Variants in KIAA1217 observed in about 807,000 individuals in gnomAD.
KIAA1217 encodes the protein KIAA1217, also known as sickle tail protein homolog.
Under a neutral mutation model 163.9 loss-of-function variants are expected in KIAA1217, and 88 were observed. The ratio of observed to expected loss-of-function variants is 0.54; its 90% CI spans 0.45 to 0.64. The LOEUF (loss-of-function observed/expected upper bound fraction) is 0.64. Among genes scored for constraint, KIAA1217 ranks in the 30% least tolerant of loss-of-function variants. KIAA1217 has a pLI of 0.00. For synonymous variants in KIAA1217, 903 were observed against 923.1 expected (o/e 0.98, Z 0.39); for missense variants, 2,372 against 2,475.0 (o/e 0.96, Z 0.88).
At chr10:24,211,363 T>C (rs10828620) in intron 1 of KIAA1217, among the ~76,000 whole-genome samples, 11,167 of 43,188 alleles carry the variant, frequency 0.26, 1,667 homozygotes, top group African/African-American at 0.47. Context: ...TGGGACTACT[T>C]TTTTTTTTTT....
chr10:24,350,274 A>G (rs1419596975), intron 2 of KIAA1217, among the ~76,000 whole-genome samples: 1 of 152,162 alleles, frequency 6.6e-6, no homozygotes, highest in Non-Finnish European at 1.5e-5. Context: ...CAGCATCAAC[A>G]TTGAGGGAGA....
intron 1 of KIAA1217, among the ~76,000 whole-genome samples, chr10:23,730,676 T>A (rs1195460454): frequency 2.0e-5 from 3 of 152,230 alleles, no homozygotes; most frequent in African/African-American, 7.2e-5. Context: ...CATCATAATT[T>A]TGTAGTTTTT....
At chr10:24,090,712 A>G (rs1370153230) in intron 2 of KIAA1217, among the ~76,000 whole-genome samples, 1 of 151,822 alleles carries the variant, frequency 6.6e-6, no homozygotes. Context: ...GTCAAAATCA[A>G]GCAACAACTT....
At chr10:24,173,046 G>A (rs372081576) in intron 2 of KIAA1217, among the ~76,000 whole-genome samples, 2 of 152,312 alleles carry the variant, frequency 1.3e-5, no homozygotes, top group African/African-American at 4.8e-5. Flanking sequence ...GCACAGCAGG[G>A]GTGAGTGGCA....
chr10:23,768,469 A>C (rs1035728347), intron 1 of KIAA1217, among the ~76,000 whole-genome samples: 1 of 152,258 alleles, frequency 6.6e-6, no homozygotes, highest in Non-Finnish European at 1.5e-5. Flanking sequence ...TGCCAGGTAC[A>C]TATTAAATGC....
chr10:24,524,901 T>C, intron 13 of KIAA1217, 137 bp downstream of exon 13: 1 of 821,684 alleles, frequency 1.2e-6, no homozygotes. Flanking sequence ...GGAAGTGGGA[T>C]TCAGTGGCCA....
At chr10:24,490,576 C>G (rs900929864) in intron 6 of KIAA1217, among the ~76,000 whole-genome samples, 19 of 152,080 alleles carry the variant, frequency 1.2e-4, no homozygotes, top group African/African-American at 4.3e-4. Context: ...GATAATGTCC[C>G]CAATATGAAT....
chr10:24,515,170 C>T (rs2134337047), intron 10 of KIAA1217, among the ~76,000 whole-genome samples: 1 of 151,834 alleles, frequency 6.6e-6, no homozygotes, highest in East Asian at 2.0e-4. Flanking sequence ...GGGTTCAAGC[C>T]TATTCTCCTA....
chr10:23,748,791 T>A (rs1839569355), intron 1 of KIAA1217, among the ~76,000 whole-genome samples: 1 of 152,118 alleles, frequency 6.6e-6, no homozygotes, highest in Non-Finnish European at 1.5e-5. Context: ...CACTACCCCA[T>A]CACTGTCAGC....
At chr10:24,002,115 C>CG (rs892234287) in intron 1 of KIAA1217, among the ~76,000 whole-genome samples, 1 of 152,126 alleles carries the variant, frequency 6.6e-6, no homozygotes, top group African/African-American at 2.4e-5. Flanking sequence ...AACAATCTCA[C>CG]GGGGCTCTCA....
intron 2 of KIAA1217, among the ~76,000 whole-genome samples, chr10:24,031,969 G>A (rs1019065465): frequency 1.3e-5 from 2 of 152,074 alleles, no homozygotes; most frequent in Non-Finnish European, 2.9e-5. Flanking sequence ...TCAGAGCATT[G>A]GAAACTACAA....
At chr10:24,444,701 G>T (rs546867165) in intron 5 of KIAA1217, among the ~76,000 whole-genome samples, 21 of 152,214 alleles carry the variant, frequency 1.4e-4, no homozygotes, top group African/African-American at 4.8e-4. Context: ...ATATCTCTCT[G>T]TTCTCATCAC....
chr10:23,934,210 A>C (rs567471594), intron 1 of KIAA1217, among the ~76,000 whole-genome samples: 1 of 152,182 alleles, frequency 6.6e-6, no homozygotes, highest in African/African-American at 2.4e-5. Flanking sequence ...TGCAGCCATC[A>C]AAAAGAATGA....
chr10:23,739,425 G>C (rs1431053959), intron 1 of KIAA1217, among the ~76,000 whole-genome samples: 1 of 152,120 alleles, frequency 6.6e-6, no homozygotes, highest in Non-Finnish European at 1.5e-5. Context: ...ATAGGAAACA[G>C]AGCATTCCAG....
chr10:23,697,714 C>CAAA (rs35015789), intron 1 of KIAA1217, among the ~76,000 whole-genome samples: 22 of 140,260 alleles, frequency 1.6e-4, no homozygotes, highest in African/African-American at 5.4e-4. Context: ...ACTAAAAATA[C>CAAA]AAAAAAAAAA....
At chr10:24,361,723 C>A (rs907589586) in intron 2 of KIAA1217, among the ~76,000 whole-genome samples, 1 of 151,960 alleles carries the variant, frequency 6.6e-6, no homozygotes, top group Non-Finnish European at 1.5e-5. Context: ...CGCCTGTAAT[C>A]CCAGCCCTTT....
intron 2 of KIAA1217, among the ~76,000 whole-genome samples, chr10:24,139,462 AATT>A (rs1457200214): frequency 6.6e-6 from 1 of 151,934 alleles, no homozygotes; most frequent in Non-Finnish European, 1.5e-5. Context: ...AAAATATTCT[AATT>A]ATTATACCTT....
chr10:24,093,132 T>G (rs780215197), intron 2 of KIAA1217, among the ~76,000 whole-genome samples: 73 of 151,700 alleles, frequency 4.8e-4, no homozygotes, highest in Non-Finnish European at 8.8e-4. Context: ...TATCTGGGAC[T>G]ACAGGCACGT....
At chr10:23,819,449 G>A (rs914086256) in intron 1 of KIAA1217, among the ~76,000 whole-genome samples, 3 of 152,038 alleles carry the variant, frequency 2.0e-5, no homozygotes, top group South Asian at 2.1e-4. Flanking sequence ...GAGAGATGAC[G>A]TGGACTGCTG....
Sources: allele counts gnomAD v4.1 joint callset (sites outside exome capture counted in the v4.1 genomes callset), GRCh38; gene constraint gnomAD v4.1.1; transcripts MANE v1.5; gene names NCBI Gene and HGNC (gene_info 2026-07-23, HGNC 2026-07-21).